Variants in LRRC4C observed in about 807,000 individuals in gnomAD.
LRRC4C encodes the protein leucine rich repeat containing 4C, also known as leucine-rich repeat-containing protein 4C.
A neutral mutation model predicts 33.6 loss-of-function variants in LRRC4C; 5 were observed. The ratio of observed to expected loss-of-function variants is 0.15; its 90% CI spans 0.08 to 0.31. LRRC4C has a LOEUF of 0.31. LRRC4C is among the 10% of genes least tolerant of loss of function. LRRC4C has a pLI of 1.00. For synonymous variants in LRRC4C, 329 were observed against 302.0 expected (o/e 1.09, Z -0.93); for missense variants, 560 against 796.7 (o/e 0.70, Z 3.58).
intron 2 of LRRC4C, among the ~76,000 whole-genome samples, chr11:40,837,341 TAA>T (rs1250803886): frequency 1.3e-5 from 2 of 152,162 alleles, no homozygotes; most frequent in Non-Finnish European, 2.9e-5. Flanking sequence ...GGAAATTGCA[TAA>T]TGCTTATTTA....
At chr11:40,699,956 C>T (rs1945784410) in intron 2 of LRRC4C, among the ~76,000 whole-genome samples, 1 of 152,102 alleles carries the variant, frequency 6.6e-6, no homozygotes, top group Admixed American at 6.6e-5. Flanking sequence ...TACACAGCTT[C>T]TTAGTAGAGG....
At chr11:41,288,295 C>T (rs1949892639) in intron 1 of LRRC4C, among the ~76,000 whole-genome samples, 1 of 152,172 alleles carries the variant, frequency 6.6e-6, no homozygotes, top group Non-Finnish European at 1.5e-5. Flanking sequence ...GGTATGACTC[C>T]AGTTCAGAAA....
rs529813454 is a variant in LRRC4C, at chr11:40,669,328, G to T, written c.-406-21050C>A. 3.9e-5 allele frequency among the ~76,000 whole-genome samples: 6 copies of T among 152,300 alleles called. No homozygotes were observed. The South Asian group carries it at 1.0e-3, about 26-fold the overall frequency. ...CAACAATATACCAAAACAGTTAAAA[G>T]AAGGGAAGCAAATATTTTTGCAGTC... On this transcript the variant is annotated intron_variant, in intron 2 of 6. Coordinates refer to ENST00000528697, the MANE Select transcript of LRRC4C (RefSeq NM_001258419.2).
At chr11:40,832,252 A>C (rs184490530) in intron 2 of LRRC4C, among the ~76,000 whole-genome samples, 2 of 152,222 alleles carry the variant, frequency 1.3e-5, no homozygotes, top group Admixed American at 1.3e-4. Flanking sequence ...AAAATACCCT[A>C]ATATAATCTT....
intron 1 of LRRC4C, among the ~76,000 whole-genome samples, chr11:41,458,009 T>C (rs1277838345): frequency 1.3e-5 from 2 of 152,190 alleles, no homozygotes; most frequent in African/African-American, 2.4e-5. Context: ...AAAACAAATA[T>C]ATATATATAA....
intron 3 of LRRC4C, among the ~76,000 whole-genome samples, chr11:40,493,016 A>G (rs1348592595): frequency 6.6e-6 from 1 of 151,830 alleles, no homozygotes; most frequent in African/African-American, 2.4e-5. Flanking sequence ...CAGTGGCAAG[A>G]TAAAGATGCA....
chr11:41,242,650 C>G (rs1402093150), intron 1 of LRRC4C, among the ~76,000 whole-genome samples: 1 of 152,102 alleles, frequency 6.6e-6, no homozygotes, highest in East Asian at 1.9e-4. Flanking sequence ...TGCTGTGTCT[C>G]TGTATCTATC....
At chr11:40,499,145 G>A (rs1954617667) in intron 3 of LRRC4C, among the ~76,000 whole-genome samples, 2 of 152,154 alleles carry the variant, frequency 1.3e-5, no homozygotes, top group African/African-American at 4.8e-5. Context: ...CTGGAGAGAG[G>A]ATGGGAAAAT....
At chr11:40,230,118 G>A (rs964076261) in intron 5 of LRRC4C, among the ~76,000 whole-genome samples, 2 of 152,212 alleles carry the variant, frequency 1.3e-5, no homozygotes, top group Non-Finnish European at 2.9e-5. Context: ...AAATATCAGT[G>A]ATGGAAGAGA....
intron 2 of LRRC4C, among the ~76,000 whole-genome samples, chr11:40,817,378 T>C (rs528182931): frequency 9.8e-5 from 15 of 152,302 alleles, no homozygotes; most frequent in African/African-American, 3.4e-4. Flanking sequence ...GAGTAATTAG[T>C]AGTTTTTCAG....
intron 3 of LRRC4C, among the ~76,000 whole-genome samples, chr11:40,389,055 A>G (rs1284152896): frequency 2.6e-5 from 4 of 152,188 alleles, no homozygotes; most frequent in Non-Finnish European, 4.4e-5. Context: ...TTTTCCTTGA[A>G]ATATACTTTG....
At chr11:40,976,703 A>C (rs553795178) in intron 1 of LRRC4C, among the ~76,000 whole-genome samples, 1 of 152,266 alleles carries the variant, frequency 6.6e-6, no homozygotes, top group Non-Finnish European at 1.5e-5. Flanking sequence ...AAACAATAGA[A>C]GAGAGAGTAT....
chr11:40,750,191 C>T (rs1345182171), intron 2 of LRRC4C, among the ~76,000 whole-genome samples: 1 of 152,080 alleles, frequency 6.6e-6, no homozygotes, highest in East Asian at 1.9e-4. Context: ...CACTGCACCC[C>T]AATCTGGGTG....
chr11:41,334,449 T>A (rs1407546522), intron 1 of LRRC4C, among the ~76,000 whole-genome samples: 1 of 152,136 alleles, frequency 6.6e-6, no homozygotes, highest in Non-Finnish European at 1.5e-5. Context: ...TTAAAATTGA[T>A]GACTAACTGA....
At chr11:41,142,544 A>G (rs1295579600) in intron 1 of LRRC4C, among the ~76,000 whole-genome samples, 23 of 152,190 alleles carry the variant, frequency 1.5e-4, no homozygotes, top group Non-Finnish European at 4.4e-5. Context: ...TGTAAATTGT[A>G]TATTTGCTAG....
intron 2 of LRRC4C, among the ~76,000 whole-genome samples, chr11:40,690,418 C>T (rs1473871768): frequency 1.3e-5 from 2 of 151,980 alleles, no homozygotes; most frequent in South Asian, 2.1e-4. Flanking sequence ...TTATTCAGAG[C>T]TTAATGTAGC....
At chr11:40,583,772 C>T (rs1216167488) in intron 3 of LRRC4C, among the ~76,000 whole-genome samples, 1 of 151,844 alleles carries the variant, frequency 6.6e-6, no homozygotes, top group African/African-American at 2.4e-5. Flanking sequence ...ATTGTAAATA[C>T]ACAGAAGTCA....
intron 1 of LRRC4C, among the ~76,000 whole-genome samples, chr11:41,344,226 C>CTTTTTT (rs34736782): frequency 9.3e-5 from 11 of 118,410 alleles, no homozygotes; most frequent in Non-Finnish European, 1.4e-4. Context: ...TGAAGCCTTT[C>CTTTTTT]TTTTTTTTTT....
intron 1 of LRRC4C, among the ~76,000 whole-genome samples, chr11:41,024,839 T>C (rs1325782470): frequency 6.6e-6 from 1 of 151,762 alleles, no homozygotes; most frequent in East Asian, 1.9e-4. Flanking sequence ...GCAAATTTAT[T>C]GGTGCCACTT....
Sources: gnomAD v4.1 joint callset for allele counts (sites outside exome capture counted in the v4.1 genomes callset) on GRCh38, gnomAD v4.1.1 for gene constraint, MANE v1.5 for transcripts, NCBI Gene and HGNC (gene_info 2026-07-23, HGNC 2026-07-21) for gene names.